FNIP2: variants seen among roughly 807,000 people sequenced by gnomAD.
FNIP2 encodes folliculin-interacting protein 2.
In FNIP2, 32 loss-of-function variants were observed where a neutral mutation model predicts 108.7. The observed-to-expected ratio is 0.29, with a 90% confidence interval of 0.22 to 0.40. The LOEUF is 0.40. FNIP2 is among the 10% of genes least tolerant of loss of function. The probability of loss-of-function intolerance (pLI) is 1.00; values close to 1 mark genes in which losing one functional copy is unlikely to be tolerated. For synonymous variants in FNIP2, 480 were observed against 496.7 expected, an observed-to-expected ratio of 0.97 and a Z score of 0.45; for missense variants, 1,202 against 1,381.6, an observed-to-expected ratio of 0.87 and a Z score of 2.06.
chr4:158,890,287 C>T (rs1408151262), intron 14 of FNIP2: 1 of 984,354 alleles, frequency 1.0e-6, no homozygotes, highest in Admixed American at 6.2e-5. Flanking sequence ...TTTTATAAAC[C>T]CTGATAATAG....
chr4:158,779,361 T>C (rs1011145943), intron 1 of FNIP2, among the ~76,000 whole-genome samples: 12 of 152,202 alleles, frequency 7.9e-5, no homozygotes, highest in African/African-American at 2.9e-4. Context: ...GATAGTAATA[T>C]AATAGTTAAA....
intron 14 of FNIP2, among the ~76,000 whole-genome samples, chr4:158,885,075 G>C (rs896592939): frequency 6.6e-6 from 1 of 152,074 alleles, no homozygotes; most frequent in African/African-American, 2.4e-5. Context: ...AGAATCACTT[G>C]AGCCTGGGAA....
chr4:158,869,572 A>C, intron 13 of FNIP2, 144 bp downstream of exon 13: 3 of 1,207,090 alleles, frequency 2.5e-6, no homozygotes, highest in Non-Finnish European at 3.4e-6. Context: ...AGTATTATTA[A>C]TTCTATACAA....
chr4:158,887,805 G>T (rs969013543), intron 14 of FNIP2, among the ~76,000 whole-genome samples: 1 of 148,820 alleles, frequency 6.7e-6, no homozygotes, highest in Admixed American at 6.7e-5. Flanking sequence ...GTGCAGGTAT[G>T]TATTTCTGTG....
chr4:158,893,465 A>G (rs1782417653), intron 15 of FNIP2: 5 of 476,984 alleles, frequency 1.0e-5, no homozygotes, highest in African/African-American at 1.9e-5. Flanking sequence ...AACAGCTACT[A>G]TTAGTATGAT....
chr4:158,848,742 A>T (rs1779539487), intron 7 of FNIP2, among the ~76,000 whole-genome samples: 2 of 152,260 alleles, frequency 1.3e-5, no homozygotes, highest in Non-Finnish European at 2.9e-5. Flanking sequence ...GAAGGAATTC[A>T]GAATCCTATC....
At chr4:158,896,855 ATTATTATACTT>A (rs1782735183) in intron 16 of FNIP2, among the ~76,000 whole-genome samples, 10 of 104,438 alleles carry the variant, frequency 9.6e-5, no homozygotes, top group African/African-American at 3.6e-4. Context: ...TTTTTTTATT[ATTATTATACTT>A]TTAAGTTCTG....
chr4:158,901,913 C>T (rs1428048007), intron 16 of FNIP2, among the ~76,000 whole-genome samples: 1 of 151,958 alleles, frequency 6.6e-6, no homozygotes, highest in African/African-American at 2.4e-5. Context: ...TTCTTAGCTT[C>T]CTTGCATTGG....
At chr4:158,835,578 C>A in intron 7 of FNIP2, 102 bp downstream of exon 7, 1 of 1,036,572 alleles carries the variant, frequency 9.6e-7, no homozygotes, top group South Asian at 1.4e-5. Context: ...TCATCCTGTT[C>A]TTTGTTTTTT....
At chr4:158,861,214 T>C in intron 10 of FNIP2, 128 bp from the exon 11 acceptor site, 2 of 1,105,292 alleles carry the variant, frequency 1.8e-6, no homozygotes, top group East Asian at 2.6e-5. Flanking sequence ...ACCCCTGTTA[T>C]GTGTGGAGCT....
chr4:158,786,963 C>T (rs1776244616), intron 1 of FNIP2, among the ~76,000 whole-genome samples: 2 of 150,592 alleles, frequency 1.3e-5, no homozygotes, highest in Admixed American at 1.3e-4. Flanking sequence ...GTCTGTATTG[C>T]TTTTGGGGGT....
chr4:158,813,117 G>A (rs894654623), intron 1 of FNIP2, among the ~76,000 whole-genome samples: 11 of 152,022 alleles, frequency 7.2e-5, no homozygotes, highest in Non-Finnish European at 1.2e-4. Context: ...ATCTCTTTGC[G>A]TACTGAAGGA....
chr4:158,829,150 C>T lies in FNIP2; in HGVS notation c.306C>T (p.Ser102=), dbSNP rs764645087. 1 of 1,611,266 alleles carries T rather than the reference C, an allele frequency of 6.2e-7. No homozygotes were observed. The highest frequency in any genetic ancestry group is 1.7e-5 in the Admixed American group (1 of 59,846). ...CQGSSSVSSS[S]SSSISSHSSS... ...GAAGCAGCAGTGTCAGCAGCAGTAG[C>T]AGCAGCAGCATCTCTTCCCACAGTT... Residue 102 remains serine (S), a synonymous_variant, in exon 3 of 17, where the codon AGC becomes AGT. Transcript: ENST00000264433.
intron 16 of FNIP2, among the ~76,000 whole-genome samples, chr4:158,896,204 T>TGCA (rs1198428599): frequency 1.3e-5 from 2 of 152,204 alleles, no homozygotes; most frequent in African/African-American, 4.8e-5. Flanking sequence ...CTGTGGGACA[T>TGCA]GCAGCAGCAG....
At chr4:158,867,241 G>A (rs990993276) in intron 12 of FNIP2, among the ~76,000 whole-genome samples, 3 of 152,160 alleles carry the variant, frequency 2.0e-5, no homozygotes, top group African/African-American at 7.2e-5. Flanking sequence ...TGCCCAGGCT[G>A]GAGTGCAGTG....
chr4:158,895,974 A>G (rs952319311), intron 16 of FNIP2, 109 bp downstream of exon 16: 2 of 753,068 alleles, frequency 2.7e-6, no homozygotes, highest in Non-Finnish European at 4.6e-6. Context: ...CTGGTAACCC[A>G]TCAAAGTATG....
chr4:158,907,400 C>T lies in FNIP2; in HGVS notation c.*2856C>T, dbSNP rs985913820. The T allele has an allele frequency of 3.3e-5, 5 of 152,102 alleles. No individual in the cohort carries two copies. Among genetic ancestry groups the T allele is most frequent in the African/African-American group, 1.2e-4 (5 of 41,410 alleles). 9.4% of individuals were successfully genotyped at this position (152,102 alleles called of 1,614,324 possible). On this transcript the variant is annotated 3_prime_UTR_variant, in exon 17 of 17. Transcript: ENST00000264433. ...CGTTTACACATTGCAACTTTTTAAA[C>T]TTAACCATATTTTTCAAAATTAACG...
At chr4:158,806,478 T>A (rs1001386309) in intron 1 of FNIP2, 1 of 1,165,508 alleles carries the variant, frequency 8.6e-7, no homozygotes, top group African/African-American at 1.6e-5. Flanking sequence ...TAATTTACTG[T>A]GTAGTAAGGA....
intron 14 of FNIP2, among the ~76,000 whole-genome samples, chr4:158,881,758 T>C (rs1480725082): frequency 6.6e-6 from 1 of 151,458 alleles, no homozygotes; most frequent in Non-Finnish European, 1.5e-5. Flanking sequence ...CAGTGCTCAA[T>C]GTTGCCCAGG....
Sources: gnomAD v4.1 joint callset for allele counts (sites outside exome capture counted in the v4.1 genomes callset) on GRCh38, gnomAD v4.1.1 for gene constraint, MANE v1.5 for transcripts, NCBI Gene and HGNC (gene_info 2026-07-23, HGNC 2026-07-21) for gene names.